Variants in SOX5 observed in about 807,000 individuals in gnomAD.
The protein encoded by SOX5 is SRY-box transcription factor 5, also known as transcription factor SOX-5.
Under a neutral mutation model 92.0 loss-of-function variants are expected in SOX5, and 9 were observed. The ratio of observed to expected loss-of-function variants is 0.10; its 90% confidence interval spans 0.06 to 0.17. SOX5 has a LOEUF of 0.17. Ranked by LOEUF, SOX5 falls within the 10% of genes least tolerant of loss-of-function variation. The probability of loss-of-function intolerance (pLI) is 1.00; values close to 1 mark genes in which losing one functional copy is unlikely to be tolerated. For synonymous variants in SOX5, 344 were observed against 336.3 expected (o/e 1.02, Z -0.25); for missense variants, 642 against 944.5 (o/e 0.68, Z 4.20).
intron 2 of SOX5, among the ~76,000 whole-genome samples, chr12:24,303,209 T>A (rs958540083): frequency 5.3e-5 from 8 of 152,210 alleles, no homozygotes; most frequent in Non-Finnish European, 1.2e-4. Context: ...ATAAAATTTT[T>A]AAAATATCAT....
At chr12:24,353,075 T>A (rs984426576) in intron 2 of SOX5, among the ~76,000 whole-genome samples, 1 of 152,148 alleles carries the variant, frequency 6.6e-6, no homozygotes, top group Admixed American at 6.5e-5. Flanking sequence ...CCCAGGTCAT[T>A]ACGTTGTATG....
chr12:24,444,315 C>T (rs1168963757), intron 1 of SOX5, among the ~76,000 whole-genome samples: 2 of 150,630 alleles, frequency 1.3e-5, no homozygotes, highest in Non-Finnish European at 3.0e-5. Flanking sequence ...CACCCATGCA[C>T]GTGTGTGATT....
At chr12:23,767,110 G>A (rs912961076) in intron 3 of SOX5, among the ~76,000 whole-genome samples, 10 of 151,960 alleles carry the variant, frequency 6.6e-5, no homozygotes, top group African/African-American at 2.4e-4. Flanking sequence ...GGGAGGCTGA[G>A]GTGGGAGGAG....
intron 4 of SOX5, among the ~76,000 whole-genome samples, chr12:24,058,936 T>C (rs1200402609): frequency 1.3e-5 from 2 of 152,296 alleles, no homozygotes; most frequent in Non-Finnish European, 1.5e-5. Context: ...CTTTCCATGA[T>C]TCCTATGAAA....
At chr12:23,970,842 T>TATATATATATA (rs1234524602) in intron 4 of SOX5, among the ~76,000 whole-genome samples, 1 of 5,954 alleles carries the variant, frequency 1.7e-4, no homozygotes, top group Non-Finnish European at 1.4e-3. Context: ...ATATATATAA[T>TATATATATATA]TTTTTTTTTT....
At chr12:23,603,083 TATATTCCCCAAA>T (rs1401403277) in intron 9 of SOX5, among the ~76,000 whole-genome samples, 1 of 152,028 alleles carries the variant, frequency 6.6e-6, no homozygotes, top group Non-Finnish European at 1.5e-5. Context: ...CAGGTTAAGT[TATATTCCCCAAA>T]ATATTTGTCT....
intron 4 of SOX5, among the ~76,000 whole-genome samples, chr12:24,120,241 C>A (rs1948474750): frequency 1.3e-5 from 2 of 152,132 alleles, no homozygotes; most frequent in Admixed American, 1.3e-4. Flanking sequence ...GTATATACTG[C>A]TGAACGGTTT....
intron 4 of SOX5, among the ~76,000 whole-genome samples, chr12:24,035,401 A>C (rs1326875205): frequency 6.6e-6 from 1 of 152,144 alleles, no homozygotes; most frequent in African/African-American, 2.4e-5. Flanking sequence ...AAACATTTAT[A>C]AACAAGAATT....
intron 4 of SOX5, among the ~76,000 whole-genome samples, chr12:24,161,108 G>C (rs1324569614): frequency 6.6e-6 from 1 of 152,054 alleles, no homozygotes; most frequent in Non-Finnish European, 1.5e-5. Flanking sequence ...CTACGCTGAG[G>C]TATTGTTATC....
chr12:23,922,071 C>T (rs193264694), intron 1 of SOX5, among the ~76,000 whole-genome samples: 3 of 152,144 alleles, frequency 2.0e-5, no homozygotes, highest in Non-Finnish European at 2.9e-5. Flanking sequence ...ACAACTCCCC[C>T]CCTGGGCTCC....
chr12:23,922,366 A>G (rs575057645), intron 1 of SOX5, among the ~76,000 whole-genome samples: 7 of 152,216 alleles, frequency 4.6e-5, no homozygotes, highest in Non-Finnish European at 1.0e-4. Context: ...AAAAAACATC[A>G]TATTTGAAAT....
At position 23,530,313 on chromosome 12, in the gene SOX5, G is replaced by A. The variant is rs1290378848; in HGVS notation, c.*3906C>T. On this transcript the variant is annotated 3_prime_UTR_variant, in exon 15 of 15. Transcript: ENST00000451604. ...TTTATGTTTTAAATGTGATATAAGA[G>A]GTTTCTTCTGGGAACAGTCACAGCT... 6.6e-6 allele frequency: 1 copy of A among 152,110 alleles called. No individual in the cohort carries two copies. The highest frequency in any genetic ancestry group is 2.4e-5 in the African/African-American group (1 of 41,406). 9.4% of individuals were successfully genotyped at this position (152,110 alleles called of 1,614,324 possible).
At chr12:23,642,809 C>CTAGGATGGTGACATG (rs2080255323) in intron 7 of SOX5, among the ~76,000 whole-genome samples, 1 of 111,544 alleles carries the variant, frequency 9.0e-6, no homozygotes, top group Non-Finnish European at 2.3e-5. Flanking sequence ...AATTATGGGC[C>CTAGGATGGTGACATG]GGGCGCGGTG....
chr12:24,415,204 C>A (rs1022367883), intron 1 of SOX5, among the ~76,000 whole-genome samples: 7 of 152,100 alleles, frequency 4.6e-5, no homozygotes, highest in African/African-American at 1.2e-4. Flanking sequence ...ACTTACTTTG[C>A]CAGTTAAAAA....
chr12:23,888,119 A>G (rs1006483773), intron 2 of SOX5, among the ~76,000 whole-genome samples: 1 of 152,158 alleles, frequency 6.6e-6, no homozygotes, highest in Non-Finnish European at 1.5e-5. Flanking sequence ...TTCATACTAC[A>G]TAACACACAA....
intron 1 of SOX5, among the ~76,000 whole-genome samples, chr12:23,913,161 T>C (rs922923798): frequency 6.6e-6 from 1 of 152,176 alleles, no homozygotes; most frequent in Non-Finnish European, 1.5e-5. Flanking sequence ...AATATTATCA[T>C]ATTTTCATTG....
chr12:23,904,977 C>T (rs1467284006), intron 1 of SOX5, among the ~76,000 whole-genome samples: 1 of 151,932 alleles, frequency 6.6e-6, no homozygotes, highest in African/African-American at 2.4e-5. Flanking sequence ...CAAGGTTCTC[C>T]CAGGAAATGG....
At chr12:24,327,352 A>C (rs1379341500) in intron 2 of SOX5, among the ~76,000 whole-genome samples, 3 of 146,066 alleles carry the variant, frequency 2.1e-5, no homozygotes, top group Non-Finnish European at 3.0e-5. Context: ...GCAGGTGCAC[A>C]GAAGCAGAAA....
intron 2 of SOX5, among the ~76,000 whole-genome samples, chr12:23,866,379 A>G (rs2096814234): frequency 6.6e-6 from 1 of 152,226 alleles, no homozygotes; most frequent in African/African-American, 2.4e-5. Flanking sequence ...ATGAACAAGT[A>G]GATGTTAGTA....
Sources: gnomAD v4.1 joint callset for allele counts (sites outside exome capture counted in the v4.1 genomes callset) on GRCh38, gnomAD v4.1.1 for gene constraint, MANE v1.5 for transcripts, NCBI Gene and HGNC (gene_info 2026-07-23, HGNC 2026-07-21) for gene names.